HIVEP3: variants seen among roughly 807,000 people sequenced by gnomAD.
The protein encoded by HIVEP3 is HIVEP zinc finger 3.
A neutral mutation model predicts 152.8 loss-of-function variants in HIVEP3; 49 were observed. The ratio of observed to expected loss-of-function variants is 0.32; its 90% CI spans 0.26 to 0.41. HIVEP3 has a LOEUF of 0.41. Among genes scored for constraint, HIVEP3 ranks in the 10% least tolerant of loss-of-function variants. HIVEP3 has a pLI of 1.00. For missense variants in HIVEP3, 2,790 were observed against 3,103.3 expected (o/e 0.90, Z 2.40); for synonymous variants, 1,269 against 1,289.0 (o/e 0.98, Z 0.33).
At chr1:41,869,919 T>C (rs1206265363) in intron 1 of HIVEP3, among the ~76,000 whole-genome samples, 1 of 152,178 alleles carries the variant, frequency 6.6e-6, no homozygotes, top group Non-Finnish European at 1.5e-5. Flanking sequence ...TATTGGCCCC[T>C]GACATTATAA....
chr1:41,919,097 T>C (rs1644917389), upstream of HIVEP3, among the ~76,000 whole-genome samples: 1 of 152,098 alleles, frequency 6.6e-6, no homozygotes, highest in Non-Finnish European at 1.5e-5. Flanking sequence ...ATATGTATAA[T>C]ATATGTGCAT....
chr1:41,906,834 C>CT (rs375034510), intron 1 of HIVEP3, among the ~76,000 whole-genome samples: 600 of 140,502 alleles, frequency 4.3e-3, no homozygotes, highest in African/African-American at 5.6e-3. Flanking sequence ...TCCCCCTTTC[C>CT]TTTTTTTTTT....
intron 1 of HIVEP3, among the ~76,000 whole-genome samples, chr1:41,706,279 T>C (rs1387908784): frequency 6.6e-6 from 1 of 152,108 alleles, no homozygotes; most frequent in Non-Finnish European, 1.5e-5. Context: ...TACATGTGTT[T>C]TATTTTTATT....
intron 1 of HIVEP3, among the ~76,000 whole-genome samples, chr1:42,014,143 G>C (rs1182770391): frequency 6.6e-6 from 1 of 152,124 alleles, no homozygotes; most frequent in Non-Finnish European, 1.5e-5. Flanking sequence ...GGCACTGCCA[G>C]GAAGCCAGTC....
chr1:41,811,727 G>T (rs531827303), intron 1 of HIVEP3, among the ~76,000 whole-genome samples: 1 of 152,074 alleles, frequency 6.6e-6, no homozygotes, highest in African/African-American at 2.4e-5. Flanking sequence ...TCAGGAGAGG[G>T]TGAGAAATGG....
intron 1 of HIVEP3, among the ~76,000 whole-genome samples, chr1:41,874,295 G>C (rs760278931): frequency 1.3e-5 from 2 of 152,194 alleles, no homozygotes; most frequent in African/African-American, 4.8e-5. Flanking sequence ...CACTTGGGAT[G>C]TTCATGTTCG....
chr1:41,866,565 G>T (rs1376404567), intron 1 of HIVEP3, among the ~76,000 whole-genome samples: 12 of 152,148 alleles, frequency 7.9e-5, no homozygotes, highest in African/African-American at 2.9e-4. Flanking sequence ...AAGCCTGCTT[G>T]CCAGGAGCAG....
intron 6 of HIVEP3, among the ~76,000 whole-genome samples, chr1:41,519,501 C>A (rs529034716): frequency 6.6e-6 from 1 of 152,256 alleles, no homozygotes; most frequent in Non-Finnish European, 1.5e-5. Flanking sequence ...TTGGGCCCAG[C>A]AGCTACTCCC....
intron 5 of HIVEP3, among the ~76,000 whole-genome samples, chr1:41,565,228 G>A (rs1322545188): frequency 6.6e-6 from 1 of 152,160 alleles, no homozygotes; most frequent in African/African-American, 2.4e-5. Context: ...GGATAGGGAG[G>A]TGGCCGGAGG....
chr1:41,688,978 C>T lies in HIVEP3; in HGVS notation c.-721+11938G>A, dbSNP rs554380275. ...CCATTTCCTTCCCCTGGGAATCCCG[C>T]GTCCTCACCTTAACCTCAGCACTTA... On this transcript the variant is annotated intron_variant, in intron 2 of 8. Transcript: ENST00000372583. Among the ~76,000 whole-genome samples, 46 of 152,296 alleles carry T rather than the reference C, an allele frequency of 3.0e-4. 1 individual carries two copies. The highest frequency in any genetic ancestry group is 9.1e-4 in the African/African-American group (38 of 41,560).
chr1:41,574,321 C>T lies in HIVEP3; in HGVS notation c.5207+1223G>A, dbSNP rs543252235. On this transcript the variant is annotated intron_variant, in intron 5 of 8. Transcript: ENST00000372583. ...AGGAGGACCCGCGTCCCTCCCCACACGGAAAGAGGGTTGGCATTTTCAAAG... is the reference window on the plus strand; with the variant it reads ...AGGAGGACCCGCGTCCCTCCCCACATGGAAAGAGGGTTGGCATTTTCAAAG... 1.5e-3 allele frequency among the ~76,000 whole-genome samples: 234 copies of T among 152,266 alleles called. 1 individual carries two copies. Among genetic ancestry groups the T allele is most frequent in the Non-Finnish European group, 2.4e-3 (160 of 68,008 alleles).
At chr1:41,933,092 C>T (rs1645003313) in intron 1 of HIVEP3, among the ~76,000 whole-genome samples, 1 of 151,952 alleles carries the variant, frequency 6.6e-6, no homozygotes, top group African/African-American at 2.4e-5. Context: ...TGGCCCAGAA[C>T]ATAGTATCAT....
At chr1:41,717,295 T>C (rs1352439867) in intron 1 of HIVEP3, among the ~76,000 whole-genome samples, 1 of 152,228 alleles carries the variant, frequency 6.6e-6, no homozygotes. Flanking sequence ...CTACTTTGTG[T>C]CAGGCGCTAT....
In HIVEP3 at chr1:41,582,273, G is replaced by A. The variant is rs749416231; in HGVS notation, c.2525C>T (p.Ser842Phe). The A allele has an allele frequency of 6.2e-7, 1 of 1,614,092 alleles. No individual in the cohort carries two copies. Among genetic ancestry groups the A allele is most frequent in the South Asian group, 1.1e-5 (1 of 91,078 alleles). ...CTGGCGGACCAACTTAGGCTGCAGG[G>A]AGTGAGCAGAGCGTCCGTGTGGGGC... ...PPAPHGRSAHSLQPKLVRQPN... is the reference protein window; with the variant it reads ...PPAPHGRSAHFLQPKLVRQPN... Residue 842 changes from serine to phenylalanine, a missense_variant, in exon 4 of 9, where the codon TCC becomes TTC. Transcript: ENST00000372583. The surrounding 1 kb of genome is among the most constrained non-coding windows in gnomAD (Gnocchi z 4.7).
intron 1 of HIVEP3, among the ~76,000 whole-genome samples, chr1:41,776,429 G>A (rs965593770): frequency 2.0e-5 from 3 of 152,238 alleles, no homozygotes; most frequent in Non-Finnish European, 4.4e-5. Flanking sequence ...TGCTCTGGGG[G>A]CAGGGTCAGG....
At chr1:41,905,614 G>T (rs1057229285) in intron 1 of HIVEP3, among the ~76,000 whole-genome samples, 3 of 152,206 alleles carry the variant, frequency 2.0e-5, no homozygotes, top group Non-Finnish European at 4.4e-5. Context: ...TAGAGGTTAA[G>T]TAACTTGTCC....
chr1:41,726,479 C>T (rs535711345), intron 1 of HIVEP3, among the ~76,000 whole-genome samples: 6 of 152,316 alleles, frequency 3.9e-5, no homozygotes, highest in East Asian at 3.9e-4. Flanking sequence ...TTTACACACC[C>T]GCTCATGTTA....
intron 1 of HIVEP3, among the ~76,000 whole-genome samples, chr1:41,902,471 C>A (rs938039272): frequency 2.6e-5 from 4 of 152,122 alleles, no homozygotes; most frequent in African/African-American, 9.7e-5. Context: ...CCCCCACCCC[C>A]CACTGCCAGG....
In HIVEP3 at chr1:41,535,851, A is replaced by G. The variant is rs1046643807; in HGVS notation, c.5208-10941T>C. The G allele has an allele frequency of 2.0e-5, 3 of 151,776 alleles. No individual in the cohort carries two copies. In the East Asian group the frequency reaches 5.8e-4, roughly 29 times the overall value. The allele number at this position is 151,776 out of a possible 1,614,324, so 9.4% of individuals were successfully genotyped here. A position where few individuals can be genotyped will look rare whatever the true frequency, so the allele number is the denominator to read the frequency against. On this transcript the variant is annotated intron_variant, in intron 5 of 8. Coordinates refer to ENST00000372583, the MANE Select transcript of HIVEP3 (RefSeq NM_024503.5). Reference sequence around the variant, plus strand: ...TGGTGACGCAAGGACTGGACCCCAGATCTGACTTGTGTGCCCTGAAGAGCA... The same window carrying G: ...TGGTGACGCAAGGACTGGACCCCAGGTCTGACTTGTGTGCCCTGAAGAGCA...
Sources: gnomAD v4.1 joint callset for allele counts (sites outside exome capture counted in the v4.1 genomes callset) on GRCh38, gnomAD v4.1.1 for gene constraint, Gnocchi (gnomAD v3.1) non-coding constraint, MANE v1.5 for transcripts, NCBI Gene and HGNC (gene_info 2026-07-23, HGNC 2026-07-21) for gene names.